Variants in KCNIP4 observed in about 807,000 individuals in gnomAD.
KCNIP4 encodes the protein potassium voltage-gated channel interacting protein 4, also known as Kv channel-interacting protein 4.
In KCNIP4, 12 loss-of-function variants were observed where a neutral mutation model predicts 34.0. The ratio of observed to expected loss-of-function variants is 0.35; its 90% CI spans 0.23 to 0.57. The LOEUF (loss-of-function observed/expected upper bound fraction) is 0.57, where lower values mean the gene tolerates loss of function less well. KCNIP4 is among the 20% of genes least tolerant of loss of function. The probability of loss-of-function intolerance (pLI) is 0.83; values close to 1 mark genes in which losing one functional copy is unlikely to be tolerated. For synonymous variants in KCNIP4, 124 were observed against 102.2 expected (o/e 1.21, Z -1.29); for missense variants, 238 against 311.7 (o/e 0.76, Z 1.78).
intron 1 of KCNIP4, among the ~76,000 whole-genome samples, chr4:21,866,198 T>G (rs931381066): frequency 6.6e-6 from 1 of 152,144 alleles, no homozygotes; most frequent in Admixed American, 6.5e-5. Context: ...CAGCTTAAAT[T>G]GAAATTGGTG....
intron 2 of KCNIP4, among the ~76,000 whole-genome samples, chr4:20,865,062 A>G (rs536837989): frequency 6.6e-6 from 1 of 152,106 alleles, no homozygotes; most frequent in Non-Finnish European, 1.5e-5. Flanking sequence ...ATATCTGAGC[A>G]ATGTGATATT....
chr4:21,644,786 T>C (rs145876876), intron 1 of KCNIP4, among the ~76,000 whole-genome samples: 2 of 152,260 alleles, frequency 1.3e-5, no homozygotes, highest in African/African-American at 4.8e-5. Context: ...CTGCTTGTAG[T>C]TTGTAGAAGG....
intron 1 of KCNIP4, among the ~76,000 whole-genome samples, chr4:21,624,392 T>C (rs1203043167): frequency 6.6e-6 from 1 of 152,024 alleles, no homozygotes; most frequent in Admixed American, 6.6e-5. Context: ...ATACACTAAG[T>C]GAAAATGTCA....
rs80193349 is a variant in KCNIP4, at chr4:21,015,176, A to T, written c.62-132467T>A. Among the ~76,000 whole-genome samples, 1,096 of 151,876 alleles carry T rather than the reference A, an allele frequency of 7.2e-3. 9 individuals carry two copies. Among genetic ancestry groups the T allele is most frequent in the Non-Finnish European group, 0.011 (742 of 67,966 alleles). ...TTAATGGGTAGAGCTTCAGTTTGAG[A>T]TGATAAAAATATTCTGGGGATGGAT... On this transcript the variant is annotated intron_variant, in intron 1 of 8. Transcript: ENST00000382152.
chr4:21,001,599 G>C (rs1044093532), intron 1 of KCNIP4, among the ~76,000 whole-genome samples: 5 of 152,134 alleles, frequency 3.3e-5, no homozygotes, highest in Non-Finnish European at 7.3e-5. Context: ...GAAGAAACAG[G>C]AACCAGAGAA....
At chr4:20,883,893 G>T (rs143728557) in intron 1 of KCNIP4, among the ~76,000 whole-genome samples, 67 of 152,232 alleles carry the variant, frequency 4.4e-4, no homozygotes, top group African/African-American at 1.5e-3. Flanking sequence ...CCCTCTAAAA[G>T]CTTCATGTTG....
At chr4:21,338,109 G>A (rs1478320765) in intron 1 of KCNIP4, among the ~76,000 whole-genome samples, 4 of 151,944 alleles carry the variant, frequency 2.6e-5, no homozygotes, top group Admixed American at 2.0e-4. Context: ...AGAAACAAGG[G>A]AGAATGAACC....
At chr4:20,916,912 T>A (rs1728865262) in intron 1 of KCNIP4, among the ~76,000 whole-genome samples, 1 of 148,382 alleles carries the variant, frequency 6.7e-6, no homozygotes, top group Non-Finnish European at 1.5e-5. Context: ...TTATTTTTCC[T>A]TACCTCCCCT....
intron 1 of KCNIP4, among the ~76,000 whole-genome samples, chr4:21,853,518 A>G (rs1724547076): frequency 6.6e-6 from 1 of 152,152 alleles, no homozygotes; most frequent in Non-Finnish European, 1.5e-5. Context: ...TTCCATGATC[A>G]TTTGTTAATT....
chr4:20,759,970 G>A (rs956001614), intron 3 of KCNIP4, among the ~76,000 whole-genome samples: 2 of 152,208 alleles, frequency 1.3e-5, no homozygotes, highest in African/African-American at 4.8e-5. Flanking sequence ...AGAACCTGCA[G>A]ATAAGAGAAG....
chr4:21,400,500 T>TCTCCTCTCCTC (rs1560369068), intron 1 of KCNIP4, among the ~76,000 whole-genome samples: 44 of 103,292 alleles, frequency 4.3e-4, no homozygotes, highest in African/African-American at 2.1e-3. Context: ...CTCCCCTCCC[T>TCTCCTCTCCTC]TCCCCTCCCT....
chr4:21,174,409 T>C (rs1047962257), intron 1 of KCNIP4, among the ~76,000 whole-genome samples: 15 of 152,190 alleles, frequency 9.9e-5, no homozygotes, highest in Admixed American at 2.6e-4. Flanking sequence ...TCAGTTTGTA[T>C]GCAAAATGAG....
intron 3 of KCNIP4, among the ~76,000 whole-genome samples, chr4:20,778,365 G>A (rs2149388264): frequency 6.6e-6 from 1 of 152,268 alleles, no homozygotes; most frequent in Admixed American, 6.5e-5. Flanking sequence ...TTAACTCATA[G>A]TTAGAATTAA....
chr4:21,151,136 T>A (rs994838738), intron 1 of KCNIP4, among the ~76,000 whole-genome samples: 2 of 152,168 alleles, frequency 1.3e-5, no homozygotes, highest in African/African-American at 4.8e-5. Flanking sequence ...TTAGAAGACT[T>A]GTGAAAGAAA....
At chr4:21,257,682 G>A (rs902201031) in intron 1 of KCNIP4, among the ~76,000 whole-genome samples, 3 of 151,680 alleles carry the variant, frequency 2.0e-5, no homozygotes, top group African/African-American at 4.8e-5. Flanking sequence ...CCCAGGAGGC[G>A]GAGGTTGCAG....
chr4:21,415,511 G>A (rs568450388), intron 1 of KCNIP4, among the ~76,000 whole-genome samples: 1 of 150,698 alleles, frequency 6.6e-6, no homozygotes, highest in Non-Finnish European at 1.5e-5. Context: ...GACCAACATG[G>A]CAAAACCCCA....
intron 1 of KCNIP4, among the ~76,000 whole-genome samples, chr4:21,489,830 C>G (rs1481921684): frequency 6.6e-6 from 1 of 151,844 alleles, no homozygotes; most frequent in Non-Finnish European, 1.5e-5. Context: ...ATAGAATGAG[C>G]TTATATAAAC....
At chr4:21,285,506 G>A (rs1763065691) in intron 1 of KCNIP4, among the ~76,000 whole-genome samples, 1 of 152,028 alleles carries the variant, frequency 6.6e-6, no homozygotes, top group African/African-American at 2.4e-5. Context: ...GCCTCCCAAA[G>A]GAAAACAATG....
intron 6 of KCNIP4, among the ~76,000 whole-genome samples, chr4:20,734,230 G>A (rs552243686): frequency 3.3e-5 from 5 of 152,258 alleles, no homozygotes; most frequent in East Asian, 1.9e-4. Flanking sequence ...CCACCATTGC[G>A]TCAGGTCATT....
Sources: gnomAD v4.1 joint callset for allele counts (sites outside exome capture counted in the v4.1 genomes callset) on GRCh38, gnomAD v4.1.1 for gene constraint, MANE v1.5 for transcripts, NCBI Gene and HGNC (gene_info 2026-07-23, HGNC 2026-07-21) for gene names.